The following LRRC7 variants were observed in gnomAD, a reference collection of about 807,000 sequenced individuals.
The protein encoded by LRRC7 is leucine rich repeat containing 7.
A neutral mutation model predicts 175.7 loss-of-function variants in LRRC7; 23 were observed. The ratio of observed to expected loss-of-function variants is 0.13; its 90% CI spans 0.09 to 0.19. LRRC7 has a LOEUF of 0.19. LRRC7 is among the 10% of genes least tolerant of loss of function. The pLI, the probability that LRRC7 is intolerant of heterozygous loss-of-function variation, is 1.00. For synonymous variants in LRRC7, 685 were observed against 680.9 expected, an observed-to-expected ratio of 1.01 and a Z score of -0.09; for missense variants, 1,354 against 1,904.7, an observed-to-expected ratio of 0.71 and a Z score of 5.38.
At chr1:69,584,786 A>G (rs1235268343) in intron 1 of LRRC7, among the ~76,000 whole-genome samples, 1 of 152,142 alleles carries the variant, frequency 6.6e-6, no homozygotes, top group Admixed American at 6.6e-5. Flanking sequence ...CTGTAAGTCT[A>G]GCTATTATCT....
At chr1:69,604,968 A>T (rs1647292532) in intron 1 of LRRC7, among the ~76,000 whole-genome samples, 1 of 152,214 alleles carries the variant, frequency 6.6e-6, no homozygotes, top group South Asian at 2.1e-4. Context: ...TTAACATGTG[A>T]TACCCCATTG....
chr1:69,818,401 TG>T (rs1678847755), intron 4 of LRRC7, among the ~76,000 whole-genome samples: 1 of 152,168 alleles, frequency 6.6e-6, no homozygotes, highest in Non-Finnish European at 1.5e-5. Context: ...TCTCTTGATG[TG>T]GTGTATCACA....
At chr1:69,951,602 G>A (rs546906819) in intron 8 of LRRC7, among the ~76,000 whole-genome samples, 7 of 152,002 alleles carry the variant, frequency 4.6e-5, no homozygotes, top group South Asian at 2.1e-4. Context: ...GGAAAACTAC[G>A]CATCCATAAA....
chr1:70,030,868 C>CTA (rs1180034234), intron 18 of LRRC7, among the ~76,000 whole-genome samples: 3 of 152,156 alleles, frequency 2.0e-5, no homozygotes, highest in Non-Finnish European at 1.5e-5. Flanking sequence ...TTTTAACATA[C>CTA]ATTATGCCAG....
At chr1:69,907,848 C>G (rs1400947333) in intron 7 of LRRC7, among the ~76,000 whole-genome samples, 2 of 152,062 alleles carry the variant, frequency 1.3e-5, no homozygotes, top group Non-Finnish European at 2.9e-5. Flanking sequence ...ACCAGTTCCT[C>G]CTTGTACCTC....
intron 13 of LRRC7, among the ~76,000 whole-genome samples, chr1:70,015,157 T>C (rs1245884630): frequency 1.3e-5 from 2 of 152,062 alleles, no homozygotes; most frequent in African/African-American, 4.8e-5. Context: ...GTAACAATTA[T>C]ATAAAAAAGA....
chr1:69,579,404 G>C (rs572163925), intron 1 of LRRC7, among the ~76,000 whole-genome samples: 1 of 152,012 alleles, frequency 6.6e-6, no homozygotes. Context: ...TGTGTGATTT[G>C]TGTGATCACA....
intron 26 of LRRC7, among the ~76,000 whole-genome samples, chr1:70,121,305 C>T (rs556460486): frequency 6.6e-6 from 1 of 152,140 alleles, no homozygotes; most frequent in African/African-American, 2.4e-5. Context: ...AAACCAAGAA[C>T]TTTCCAGTGA....
chr1:70,024,734 C>G (rs1245464326), intron 17 of LRRC7, among the ~76,000 whole-genome samples: 3 of 151,994 alleles, frequency 2.0e-5, no homozygotes, highest in Admixed American at 2.0e-4. Flanking sequence ...TTGGGTATTA[C>G]TTAACTATTA....
At chr1:69,918,730 T>C (rs1282725547) in intron 7 of LRRC7, among the ~76,000 whole-genome samples, 2 of 152,082 alleles carry the variant, frequency 1.3e-5, no homozygotes, top group Admixed American at 6.5e-5. Context: ...GAAAATGTAG[T>C]GACAGAATGA....
At chr1:69,856,834 C>A (rs1460281044) in intron 7 of LRRC7, among the ~76,000 whole-genome samples, 1 of 152,184 alleles carries the variant, frequency 6.6e-6, no homozygotes, top group African/African-American at 2.4e-5. Flanking sequence ...AGACCAATAT[C>A]CCTGATGAAC....
chr1:69,739,754 T>C (rs1440039440), intron 2 of LRRC7, among the ~76,000 whole-genome samples: 1 of 152,114 alleles, frequency 6.6e-6, no homozygotes, highest in Non-Finnish European at 1.5e-5. Context: ...TTACTGAAGA[T>C]ACGAAGTCGT....
At chr1:69,672,206 G>A (rs1368341658) in intron 1 of LRRC7, among the ~76,000 whole-genome samples, 1 of 151,996 alleles carries the variant, frequency 6.6e-6, no homozygotes, top group Non-Finnish European at 1.5e-5. Context: ...GATGATCGGT[G>A]GAGCCTATTT....
chr1:69,706,340 C>A (rs763399838), intron 2 of LRRC7, among the ~76,000 whole-genome samples: 8 of 152,122 alleles, frequency 5.3e-5, no homozygotes, highest in Non-Finnish European at 5.9e-5. Flanking sequence ...CTCAGTTACT[C>A]TTGAGTGTTC....
Position 70,121,951 on chromosome 1 carries a change from A to T in LRRC7, c.*64A>T. On this transcript the variant is annotated 3_prime_UTR_variant, in exon 27 of 27. Coordinates refer to ENST00000651989, the MANE Select transcript of LRRC7 (RefSeq NM_001370785.2). ...CTAATGTTCAAAAATAAATTTATAC[A>T]TAGAAACAAATTTTGCCAATTGCTG... is the stretch of plus-strand genomic sequence containing the variant. The T allele has an allele frequency of 8.2e-7, 1 of 1,223,046 alleles. No homozygotes were observed. The highest frequency in any genetic ancestry group is 1.2e-6 in the Non-Finnish European group (1 of 847,456). The allele number at this position is 1,223,046 out of a possible 1,614,324, so 75.8% of individuals were successfully genotyped here.
intron 1 of LRRC7, among the ~76,000 whole-genome samples, chr1:69,587,717 T>C (rs1275072359): frequency 2.0e-5 from 3 of 152,078 alleles, no homozygotes; most frequent in Non-Finnish European, 4.4e-5. Flanking sequence ...TGATAGTTCT[T>C]GTGATAGTTC....
chr1:69,630,648 C>A (rs528902385), intron 1 of LRRC7, among the ~76,000 whole-genome samples: 1 of 152,060 alleles, frequency 6.6e-6, no homozygotes, highest in East Asian at 1.9e-4. Flanking sequence ...ATATTGGGCA[C>A]CTTTCCAAAT....
intron 7 of LRRC7, among the ~76,000 whole-genome samples, chr1:69,852,506 A>G (rs1274449408): frequency 6.6e-6 from 1 of 152,134 alleles, no homozygotes; most frequent in Admixed American, 6.6e-5. Context: ...TTCATTGTTT[A>G]TCTTTCTTCT....
intron 1 of LRRC7, among the ~76,000 whole-genome samples, chr1:69,603,413 T>C (rs1341780): frequency 0.15 from 22,918 of 152,148 alleles, 1,908 homozygotes; most frequent in Admixed American, 0.19. Flanking sequence ...CCCTTGCATC[T>C]TAGGAAAACA....
Sources: gnomAD v4.1 joint callset for allele counts (sites outside exome capture counted in the v4.1 genomes callset) on GRCh38, gnomAD v4.1.1 for gene constraint, MANE v1.5 for transcripts, NCBI Gene and HGNC (gene_info 2026-07-23, HGNC 2026-07-21) for gene names.